Variants in MIA2 observed in about 807,000 individuals in gnomAD.
MIA2 encodes the protein MIA SH3 domain ER export factor 2.
In MIA2, 127 loss-of-function variants were observed where a neutral mutation model predicts 167.8. The observed-to-expected ratio is 0.76, with a 90% CI of 0.66 to 0.88. The LOEUF is 0.88. Among genes scored for constraint, MIA2 ranks in the 40% least tolerant of loss-of-function variants. MIA2 has a pLI of 0.00. For synonymous variants in MIA2, 552 were observed against 541.9 expected, an observed-to-expected ratio of 1.02 and a Z score of -0.26; for missense variants, 1,690 against 1,624.7, an observed-to-expected ratio of 1.04 and a Z score of -0.69.
chr14:39,294,575 C>G (rs1180243171), intron 12 of MIA2, among the ~76,000 whole-genome samples: 1 of 151,674 alleles, frequency 6.6e-6, no homozygotes, highest in Non-Finnish European at 1.5e-5. Flanking sequence ...TGAGCTATTA[C>G]TATATATTGA....
chr14:39,274,128 G>A (rs945272698), intron 6 of MIA2, among the ~76,000 whole-genome samples: 1 of 152,044 alleles, frequency 6.6e-6, no homozygotes, highest in Non-Finnish European at 1.5e-5. Flanking sequence ...TCATGTTTTG[G>A]AAATGGAATA....
intron 12 of MIA2, 36 bp from the exon 13 acceptor site, chr14:39,294,889 A>T: frequency 7.4e-7 from 1 of 1,360,442 alleles, no homozygotes; most frequent in Non-Finnish European, 1.1e-6. Context: ...GTATTAAATT[A>T]ATTGTTACAA....
intron 26 of MIA2, among the ~76,000 whole-genome samples, chr14:39,347,351 A>G (rs1373604336): frequency 3.3e-5 from 5 of 152,164 alleles, no homozygotes; most frequent in Non-Finnish European, 7.3e-5. Context: ...TGGAGGAATA[A>G]GGACGGAAGG....
At chr14:39,373,437 T>G (rs903114133) in intron 23 of MIA2, among the ~76,000 whole-genome samples, 5 of 150,752 alleles carry the variant, frequency 3.3e-5, no homozygotes, top group Admixed American at 1.3e-4. Flanking sequence ...TAAAAATAAT[T>G]TGAAAGATAA....
chr14:39,247,080 A>T lies in MIA2; in HGVS notation c.506A>T (p.Tyr169Phe), dbSNP rs1464924855. ...FQIEPGFYAT[Y>F]ESTLFEDQVP... ...ATAGAACCTGGATTTTATGCAACTTATGAAAGTACTTTGTTTGAAGACCAA... is the reference window on the plus strand; with the variant it reads ...ATAGAACCTGGATTTTATGCAACTTTTGAAAGTACTTTGTTTGAAGACCAA... Residue 169 changes from tyrosine (Y) to phenylalanine (F), a missense_variant, in exon 4 of 29, where the codon TAT becomes TTT. By Grantham distance (22) the Tyr-to-Phe change is conservative (BLOSUM62 3). Coordinates refer to ENST00000640607, the MANE Select transcript of MIA2 (RefSeq NM_001329214.4). The T allele has an allele frequency of 1.2e-6, 2 of 1,607,550 alleles. No homozygotes were observed. Among genetic ancestry groups the T allele is most frequent in the Non-Finnish European group, 1.7e-6 (2 of 1,178,462 alleles).
chr14:39,293,915 G>C (rs2061064505), intron 11 of MIA2, 85 bp from the exon 12 acceptor site: 2 of 1,005,772 alleles, frequency 2.0e-6, no homozygotes, highest in African/African-American at 1.7e-5. Context: ...GAGCTAAAGT[G>C]TTAGGTTAAC....
intron 27 of MIA2, among the ~76,000 whole-genome samples, chr14:39,348,001 C>T (rs113331564): frequency 0.017 from 2,583 of 151,934 alleles, 80 homozygotes; most frequent in African/African-American, 0.059. Flanking sequence ...TTAGTAGAGA[C>T]GGAGTTTCAC....
intron 21 of MIA2, among the ~76,000 whole-genome samples, chr14:39,316,115 G>C (rs2065379808): frequency 6.6e-6 from 1 of 152,176 alleles, no homozygotes; most frequent in African/African-American, 2.4e-5. Flanking sequence ...GCCCCTTCTA[G>C]TTCTAAAAGT....
intron 13 of MIA2, among the ~76,000 whole-genome samples, chr14:39,296,152 T>A (rs2061393398): frequency 6.6e-6 from 1 of 152,168 alleles, no homozygotes; most frequent in Non-Finnish European, 1.5e-5. Flanking sequence ...CTTGTCTTTC[T>A]CCTGTGTTAG....
intron 23 of MIA2, among the ~76,000 whole-genome samples, chr14:39,356,729 C>A (rs1161021523): frequency 6.6e-6 from 1 of 152,178 alleles, no homozygotes; most frequent in African/African-American, 2.4e-5. Flanking sequence ...TTGAATGTGT[C>A]CCAGAGATTC....
rs764234284 is a variant in MIA2 at position 39,348,827 on chromosome 14, A to G, written c.3922A>G (p.Arg1308Gly). 3 of 1,614,034 alleles carry G rather than the reference A, an allele frequency of 1.9e-6. No individual in the cohort carries two copies. In the South Asian group the frequency reaches 3.3e-5, roughly 18 times the overall value. The change falls in exon 28 of 29, where the codon AGA becomes GGA. Residue 1308 changes from arginine (R) to glycine (G), a missense_variant. By Grantham distance (125) the Arg-to-Gly change is moderately radical. Coordinates refer to ENST00000640607, the MANE Select transcript of MIA2 (RefSeq NM_001329214.4). ...GFVPPPLAPI[R>G]GPLFPVDARG... ...TGTTCCTCCACCTCTTGCTCCAATC[A>G]GAGGTCCATTGTTTCCAGTGGATGC...
intron 6 of MIA2, among the ~76,000 whole-genome samples, chr14:39,273,235 CTT>C (rs35613060): frequency 0.019 from 2,505 of 132,136 alleles, 49 homozygotes; most frequent in African/African-American, 0.056. Context: ...AGGAGAAAAG[CTT>C]TTTTTTTTTT....
At chr14:39,340,005 C>G (rs886618248) in intron 25 of MIA2, among the ~76,000 whole-genome samples, 1 of 152,066 alleles carries the variant, frequency 6.6e-6, no homozygotes, top group African/African-American at 2.4e-5. Flanking sequence ...ACCACTAATG[C>G]CTAATTTTTA....
chr14:39,267,611 G>T, intron 6 of MIA2: 1 of 1,490,548 alleles, frequency 6.7e-7, no homozygotes, highest in Non-Finnish European at 9.1e-7. Context: ...TGGGGTCTAA[G>T]CCGCCGTGGT....
chr14:39,261,865 A>C (rs1171371549), intron 6 of MIA2, among the ~76,000 whole-genome samples: 2 of 151,868 alleles, frequency 1.3e-5, no homozygotes, highest in Non-Finnish European at 2.9e-5. Flanking sequence ...CATTTGTTTG[A>C]GTTCTTTGTA....
intron 23 of MIA2, among the ~76,000 whole-genome samples, chr14:39,382,561 T>G (rs952246075): frequency 3.9e-5 from 6 of 152,138 alleles, no homozygotes; most frequent in Non-Finnish European, 5.9e-5. Flanking sequence ...CGTTACTGAA[T>G]CCACATGTTA....
chr14:39,329,416 T>G (rs1006732408), intron 25 of MIA2, among the ~76,000 whole-genome samples: 1 of 152,212 alleles, frequency 6.6e-6, no homozygotes, highest in African/African-American at 2.4e-5. Context: ...AGAGACAACT[T>G]GACTTCCTCT....
At chr14:39,354,882 A>G (rs1595931399), downstream of MIA2, among the ~76,000 whole-genome samples, 2 of 152,054 alleles carry the variant, frequency 1.3e-5, no homozygotes, top group East Asian at 1.9e-4. Flanking sequence ...GATGTGTGGC[A>G]TTATTTCTGA....
At chr14:39,357,976 G>T (rs2074574221) in intron 23 of MIA2, among the ~76,000 whole-genome samples, 1 of 152,144 alleles carries the variant, frequency 6.6e-6, no homozygotes, top group Non-Finnish European at 1.5e-5. Context: ...CTCTCTGGCT[G>T]CCCTTAACAT....
Sources: allele counts gnomAD v4.1 joint callset (sites outside exome capture counted in the v4.1 genomes callset), GRCh38; gene constraint gnomAD v4.1.1; transcripts MANE v1.5; gene names NCBI Gene and HGNC (gene_info 2026-07-23, HGNC 2026-07-21).